Variants in PARP16 observed in about 807,000 individuals in gnomAD.
The protein encoded by PARP16 is protein mono-ADP-ribosyltransferase PARP16.
A neutral mutation model predicts 35.0 loss-of-function variants in PARP16; 31 were observed. The observed-to-expected ratio is 0.88, with a 90% CI of 0.66 to 1.19. The LOEUF (loss-of-function observed/expected upper bound fraction) is 1.19, where lower values mean the gene tolerates loss of function less well. PARP16 is among the 50% of genes most tolerant of loss of function. The pLI, the probability that PARP16 is intolerant of heterozygous loss-of-function variation, is 0.00. For synonymous variants in PARP16, 162 were observed against 169.5 expected, an observed-to-expected ratio of 0.96 and a Z score of 0.34; for missense variants, 424 against 411.2, an observed-to-expected ratio of 1.03 and a Z score of -0.27.
intron 4 of PARP16, among the ~76,000 whole-genome samples, chr15:65,261,865 T>C (rs2089730402): frequency 6.6e-6 from 1 of 152,220 alleles, no homozygotes; most frequent in African/African-American, 2.4e-5. Flanking sequence ...AAAAACCCTT[T>C]TCTTTTAATA....
intron 2 of PARP16, among the ~76,000 whole-genome samples, chr15:65,268,804 G>C (rs2089989241): frequency 6.6e-6 from 1 of 151,948 alleles, no homozygotes; most frequent in Non-Finnish European, 1.5e-5. Flanking sequence ...TCTCAGCCTA[G>C]AGTGCAGTGG....
chr15:65,239,407 C>A (rs1210365242), intron 3 of PARP16, among the ~76,000 whole-genome samples: 1 of 63,624 alleles, frequency 1.6e-5, no homozygotes, highest in Non-Finnish European at 2.8e-5. Context: ...AGCCTGGCAA[C>A]AGAGCAAGAC....
chr15:65,272,179 T>C (rs1434272669), intron 1 of PARP16, among the ~76,000 whole-genome samples: 1 of 152,220 alleles, frequency 6.6e-6, no homozygotes, highest in Non-Finnish European at 1.5e-5. Flanking sequence ...CTGCAAGGAC[T>C]TCCACAGAAA....
At position 65,240,487 on chromosome 15, in the gene PARP16, T is replaced by A. The variant is rs188332426; in HGVS notation, c.*98-5664A>T. 3.9e-5 allele frequency among the ~76,000 whole-genome samples: 6 copies of A among 152,182 alleles called. No individual in the cohort carries two copies. The East Asian group carries it at 9.7e-4, about 25-fold the overall frequency. On this transcript the variant is annotated intron_variant and NMD_transcript_variant, in intron 3 of 3. Coordinates refer to the PARP16 transcript ENST00000559805. ...AATCGCCCACCTCAGCCTCTGAAAG[T>A]GCTGAAAGTACAGGCGCAAGCTGCT...
chr15:65,267,747 C>T (rs1430929446), intron 2 of PARP16, among the ~76,000 whole-genome samples: 3 of 117,784 alleles, frequency 2.5e-5, no homozygotes, highest in African/African-American at 3.4e-5. Flanking sequence ...AGTGCAGTGA[C>T]GCCATCTCAG....
At chr15:65,244,059 C>T (rs2089144303) in intron 3 of PARP16, among the ~76,000 whole-genome samples, 1 of 152,184 alleles carries the variant, frequency 6.6e-6, no homozygotes, top group Non-Finnish European at 1.5e-5. Flanking sequence ...TTCCCCACCT[C>T]AAGCCCTTGG....
downstream of PARP16, among the ~76,000 whole-genome samples, chr15:65,257,433 CA>C (rs1359930293): frequency 7.0e-6 from 1 of 143,790 alleles, no homozygotes. Context: ...GACTCCAGCT[CA>C]AAAAAAAAAT....
At chr15:65,241,845 ACAGTTGT>A (rs1325433490) in intron 3 of PARP16, among the ~76,000 whole-genome samples, 1 of 152,136 alleles carries the variant, frequency 6.6e-6, no homozygotes, top group African/African-American at 2.4e-5. Context: ...TCTCCCACCG[ACAGTTGT>A]CTTTTCGTTT....
intron 1 of PARP16, among the ~76,000 whole-genome samples, chr15:65,282,923 G>A (rs2090463504): frequency 6.6e-6 from 1 of 151,972 alleles, no homozygotes; most frequent in Non-Finnish European, 1.5e-5. Context: ...TTACTTTACT[G>A]GTATCATTTG....
intron 3 of PARP16, 57 bp from the exon 4 acceptor site, chr15:65,263,377 C>T (rs776967703): frequency 1.1e-5 from 16 of 1,417,810 alleles, no homozygotes; most frequent in Middle Eastern, 1.8e-4. Flanking sequence ...ACAGTTGGCA[C>T]GGCAAGACGA....
At chr15:65,243,905 G>A (rs1343175165) in intron 3 of PARP16, among the ~76,000 whole-genome samples, 4 of 151,972 alleles carry the variant, frequency 2.6e-5, no homozygotes, top group African/African-American at 9.7e-5. Flanking sequence ...CTCCTCTGCA[G>A]CCCTTCCACA....
chr15:65,236,846 C>T (rs1379737765), intron 3 of PARP16, among the ~76,000 whole-genome samples: 1 of 151,866 alleles, frequency 6.6e-6, no homozygotes, highest in South Asian at 2.1e-4. Flanking sequence ...GTGGCGGGCA[C>T]CTGTAGTCCC....
chr15:65,250,105 G>A (rs1203345232), intron 2 of PARP16, among the ~76,000 whole-genome samples: 1 of 94,034 alleles, frequency 1.1e-5, no homozygotes. Flanking sequence ...GCACCTGCTT[G>A]CCTTTTTTTT....
intron 3 of PARP16, among the ~76,000 whole-genome samples, chr15:65,236,971 C>CAAAAAA: frequency 3.8e-5 from 2 of 52,368 alleles, no homozygotes; most frequent in East Asian, 6.0e-4. Flanking sequence ...GACTCTGTCT[C>CAAAAAA]AAAAAAAAAA....
At chr15:65,238,600 A>G (rs942917000) in intron 3 of PARP16, among the ~76,000 whole-genome samples, 6 of 152,238 alleles carry the variant, frequency 3.9e-5, no homozygotes, top group African/African-American at 1.4e-4. Context: ...CTGCAGCCGC[A>G]GCATCTCTCA....
intron 2 of PARP16, among the ~76,000 whole-genome samples, chr15:65,269,200 C>CTCTCTCTCTCTCT (rs1567029638): frequency 1.4e-5 from 2 of 146,000 alleles, no homozygotes; most frequent in African/African-American, 5.4e-5. Context: ...TTCTTTCTTT[C>CTCTCTCTCTCTCT]TTTCTTTTTT....
At chr15:65,269,282 C>T (rs939803642) in intron 2 of PARP16, among the ~76,000 whole-genome samples, 3 of 151,896 alleles carry the variant, frequency 2.0e-5, no homozygotes, top group Middle Eastern at 3.4e-3. Context: ...CTGCAACTTC[C>T]GCCTCCCGGC....
intron 3 of PARP16, among the ~76,000 whole-genome samples, chr15:65,242,148 T>C (rs1293053817): frequency 6.6e-6 from 1 of 152,226 alleles, no homozygotes; most frequent in East Asian, 1.9e-4. Context: ...CAAAGGTACT[T>C]TGTCACCTTC....
chr15:65,242,319 T>C (rs965999098), intron 3 of PARP16, among the ~76,000 whole-genome samples: 1 of 152,188 alleles, frequency 6.6e-6, no homozygotes, highest in African/African-American at 2.4e-5. Context: ...TCTAATTGCA[T>C]AATACTTTAA....
Sources: allele counts gnomAD v4.1 joint callset (sites outside exome capture counted in the v4.1 genomes callset), GRCh38; gene constraint gnomAD v4.1.1; transcripts MANE v1.5; gene names NCBI Gene and HGNC (gene_info 2026-07-23, HGNC 2026-07-21).